CCDC110: variants seen among roughly 807,000 people sequenced by gnomAD.
CCDC110 encodes coiled-coil domain-containing protein 110.
CCDC110 carries 70 observed loss-of-function variants against 77.1 expected under a neutral mutation model. That is an observed-to-expected ratio of 0.91 (90% confidence interval 0.75 to 1.11). The LOEUF (loss-of-function observed/expected upper bound fraction) is 1.11, where lower values mean the gene tolerates loss of function less well. Among genes scored for constraint, CCDC110 ranks in the 50% least tolerant of loss-of-function variants. The pLI, the probability that CCDC110 is intolerant of heterozygous loss-of-function variation, is 0.00. For synonymous variants in CCDC110, 295 were observed against 312.5 expected (o/e 0.94, Z 0.59); for missense variants, 868 against 942.9 (o/e 0.92, Z 1.04).
chr4:185,459,259 T>C lies in CCDC110; in HGVS notation c.1328A>G (p.Lys443Arg), dbSNP rs2095641538. Residue 443 changes from lysine to arginine, a missense_variant, in exon 6 of 7, where the codon AAA becomes AGA. Transcript: ENST00000307588. Reference sequence around the variant, plus strand: ...TTCACTCTCCAGTTCCATTACTTTTTTCTGTATCTGCACAGATTCTTTTAG... The same window carrying C: ...TTCACTCTCCAGTTCCATTACTTTTCTCTGTATCTGCACAGATTCTTTTAG... ...NYLKESVQIQ[K>R]KVMELESENL... The C allele has an allele frequency of 1.9e-6, 3 of 1,612,514 alleles. No homozygotes were observed. The highest frequency in any genetic ancestry group is 2.5e-6 in the Non-Finnish European group (3 of 1,179,456).
chr4:185,462,969 A>G, intron 3 of CCDC110, 25 bp downstream of exon 3: 2 of 1,587,608 alleles, frequency 1.3e-6, no homozygotes, highest in Non-Finnish European at 1.7e-6. Flanking sequence ...AATTTTGGAG[A>G]TGATAAAATG....
chr4:185,460,492 TTTCAGAAA>T (rs2095644078), intron 5 of CCDC110, among the ~76,000 whole-genome samples: 1 of 152,214 alleles, frequency 6.6e-6, no homozygotes, highest in African/African-American at 2.4e-5. Flanking sequence ...AACCCCTCAA[TTTCAGAAA>T]TATAGAAATT....
chr4:185,451,038 T>G (rs2095628349), intron 6 of CCDC110, among the ~76,000 whole-genome samples: 1 of 152,112 alleles, frequency 6.6e-6, no homozygotes, highest in Admixed American at 6.5e-5. Flanking sequence ...TGGAGGCAGC[T>G]TCCCCCATAC....
rs1440084127 is a variant in CCDC110, at chr4:185,454,632, T to A, written c.2461+3494A>T. ...AGGAGGCTGAAGCAGGAGAATCACTTGAACCTGGGAGGCGGAGGTTGCAGT... is the reference window on the plus strand; with the variant it reads ...AGGAGGCTGAAGCAGGAGAATCACTAGAACCTGGGAGGCGGAGGTTGCAGT... On this transcript the variant is annotated intron_variant, in intron 6 of 6. Transcript: ENST00000307588. Among the ~76,000 whole-genome samples the A allele has an allele frequency of 3.3e-5, 5 of 152,060 alleles. No homozygotes were observed. The East Asian group carries it at 9.8e-4, about 30-fold the overall frequency.
chr4:185,462,549 T>C, intron 4 of CCDC110, 94 bp downstream of exon 4: 1 of 920,418 alleles, frequency 1.1e-6, no homozygotes, highest in Non-Finnish European at 1.8e-6. Flanking sequence ...TTAAATTCTG[T>C]GTCAGCTAAT....
At chr4:185,448,329 C>T (rs551347947) in intron 6 of CCDC110, among the ~76,000 whole-genome samples, 79 of 152,226 alleles carry the variant, frequency 5.2e-4, no homozygotes, top group African/African-American at 1.7e-3. Context: ...CCACTGCGCC[C>T]GGTCAGAAAT....
chr4:185,457,999 G>T (rs2095638562), intron 6 of CCDC110, 127 bp downstream of exon 6: 2 of 672,252 alleles, frequency 3.0e-6, no homozygotes, highest in Non-Finnish European at 4.5e-6. Context: ...TAATAAATTG[G>T]ATACAAATTT....
chr4:185,453,449 C>G (rs928795287), intron 6 of CCDC110, among the ~76,000 whole-genome samples: 29 of 151,946 alleles, frequency 1.9e-4, no homozygotes, highest in Admixed American at 2.6e-4. Context: ...TTATGAATCA[C>G]TTAATCTACA....
intron 6 of CCDC110, chr4:185,452,252 C>A (rs77141194): frequency 6.1e-5 from 60 of 985,260 alleles, no homozygotes; most frequent in Non-Finnish European, 6.7e-5. Context: ...TGTTATGATG[C>A]CTGTATGACT....
rs1431617619 is a variant in CCDC110 at position 185,459,285 on chromosome 4, G to C, written c.1302C>G (p.Tyr434Ter). The C allele has an allele frequency of 5.0e-6, 8 of 1,612,428 alleles. No homozygotes were observed. The highest frequency in any genetic ancestry group is 6.8e-6 in the Non-Finnish European group (8 of 1,179,054). Residue 434 changes from tyrosine (Y) to a stop codon, truncating the protein, a stop_gained, in exon 6 of 7, where the codon TAC becomes TAG. Coordinates refer to ENST00000307588, the MANE Select transcript of CCDC110 (RefSeq NM_152775.4). LOFTEE classifies it high-confidence loss of function. ...TCTGTATCTGCACAGATTCTTTTAG[G>C]TAATTCTGTAAGTACTGAATTTTTG... is the stretch of plus-strand genomic sequence containing the variant. ...CVAKIQYLQN[Y>*]LKESVQIQKK...
At chr4:185,465,681 G>T (rs867602641) in intron 2 of CCDC110, among the ~76,000 whole-genome samples, 1 of 152,230 alleles carries the variant, frequency 6.6e-6, no homozygotes, top group Non-Finnish European at 1.5e-5. Context: ...TCTGCTACAT[G>T]ATAATAGAGT....
At position 185,459,965 on chromosome 4, in the gene CCDC110, G is replaced by C; in HGVS notation, c.622C>G (p.Pro208Ala). 1.2e-6 allele frequency: 2 copies of C among 1,613,704 alleles called. No individual in the cohort carries two copies. Among genetic ancestry groups the C allele is most frequent in the Non-Finnish European group, 1.7e-6 (2 of 1,179,774 alleles). ...NNFYRFLPTA[P>A]PNVMSQADTV... Reference sequence around the variant, plus strand: ...TCAGCTTGAGACATCACATTTGGAGGTGCAGTAGGTAGAAAACGATAAAAG... The same window carrying C: ...TCAGCTTGAGACATCACATTTGGAGCTGCAGTAGGTAGAAAACGATAAAAG... The change falls in exon 6 of 7, where the codon CCT (proline) becomes GCT (alanine). Residue 208 changes from proline (P) to alanine (A), a missense_variant. Transcript: ENST00000307588.
chr4:185,470,464 C>T, intron 2 of CCDC110: 1 of 337,504 alleles, frequency 3.0e-6, no homozygotes, highest in South Asian at 2.3e-5. Flanking sequence ...AAAAATTTTC[C>T]CCCCTGAATA....
chr4:185,458,589 T>C lies in CCDC110; in HGVS notation c.1998A>G (p.Gln666=). 6.2e-7 allele frequency: 1 copy of C among 1,608,210 alleles called. No homozygotes were observed. The highest frequency in any genetic ancestry group is 8.5e-7 in the Non-Finnish European group (1 of 1,179,644). The part of the protein sequence containing the change: ...QIMEREIENI[Q]TYQSTAEENF... ...TCTCTTCGGCAGTAGATTGGTAGGT[T>C]TGAATATTCTCAATTTCTCTTTCCA... is the stretch of plus-strand genomic sequence containing the variant. Residue 666 remains glutamine (Q), a synonymous_variant, in exon 6 of 7, where the codon CAA becomes CAG. Transcript: ENST00000307588.
intron 6 of CCDC110, among the ~76,000 whole-genome samples, chr4:185,454,791 C>A (rs985548187): frequency 6.6e-6 from 1 of 152,130 alleles, no homozygotes; most frequent in African/African-American, 2.4e-5. Context: ...CAGATGGGGT[C>A]TCATTCTGTC....
intron 2 of CCDC110, among the ~76,000 whole-genome samples, chr4:185,470,150 A>C (rs867290306): frequency 6.6e-6 from 1 of 152,162 alleles, no homozygotes; most frequent in African/African-American, 2.4e-5. Flanking sequence ...CATCCTCCCC[A>C]TATAATATCC....
At position 185,462,705 on chromosome 4, in the gene CCDC110, G is replaced by GGACCTAT; in HGVS notation, c.172-4_174dup (p.Leu59IlefsTer30). On this transcript the variant is annotated frameshift_variant, in exon 4 of 7. Coordinates refer to ENST00000307588, the MANE Select transcript of CCDC110 (RefSeq NM_152775.4). LOFTEE classifies it high-confidence loss of function. ...TGAAATGATTCCAACTGCTGCTGAA[G>GGACCTAT]GACCTATGACAAAAGTAAAGTATGA... The GGACCTAT allele has an allele frequency of 6.2e-7, 1 of 1,613,186 alleles. No homozygotes were observed. The highest frequency in any genetic ancestry group is 8.5e-7 in the Non-Finnish European group (1 of 1,179,134).
intron 6 of CCDC110, among the ~76,000 whole-genome samples, chr4:185,448,551 C>G (rs1232618385): frequency 6.6e-6 from 1 of 151,982 alleles, no homozygotes; most frequent in Non-Finnish European, 1.5e-5. Flanking sequence ...CCACGATTCC[C>G]CTAGATATTA....
At position 185,467,983 on chromosome 4, in the gene CCDC110, G is replaced by T. The variant is rs185366672; in HGVS notation, c.115+2962C>A. 2.7e-3 allele frequency among the ~76,000 whole-genome samples: 416 copies of T among 152,292 alleles called. 1 individual carries two copies. The highest frequency in any genetic ancestry group is 9.5e-3 in the African/African-American group (393 of 41,558). The stretch of plus-strand genomic sequence containing the variant: ...GGGGTTTCACCATGTTGGCCAGGCT[G>T]GTCTCAAACTCCTGACCTCAGGTGA... On this transcript the variant is annotated intron_variant, in intron 2 of 6. Coordinates refer to ENST00000307588, the MANE Select transcript of CCDC110 (RefSeq NM_152775.4).
Sources: gnomAD v4.1 joint callset for allele counts (sites outside exome capture counted in the v4.1 genomes callset) on GRCh38, gnomAD v4.1.1 for gene constraint, MANE v1.5 for transcripts, NCBI Gene and HGNC (gene_info 2026-07-23, HGNC 2026-07-21) for gene names.